The following BST1 variants were observed in gnomAD, a reference collection of about 807,000 sequenced individuals.
The protein encoded by BST1 is bone marrow stromal cell antigen 1.
BST1 carries 49 observed loss-of-function variants against 40.6 expected under a neutral mutation model. The observed-to-expected ratio is 1.21, with a 90% CI of 0.96 to 1.53. BST1 has a LOEUF of 1.53. BST1 is among the 40% of genes most tolerant of loss of function. BST1 has a pLI of 0.00. For synonymous variants in BST1, 157 were observed against 159.3 expected, an observed-to-expected ratio of 0.99 and a Z score of 0.11; for missense variants, 423 against 395.9, an observed-to-expected ratio of 1.07 and a Z score of -0.58.
chr4:15,722,843 A>G (rs778340504), intron 7 of BST1, 32 bp from the exon 8 acceptor site: 14 of 1,587,508 alleles, frequency 8.8e-6, no homozygotes, highest in Non-Finnish European at 9.5e-6. Flanking sequence ...AGTTATTTAA[A>G]TAATCCCTTA....
chr4:15,748,484 C>A, the BST1 span, among the ~76,000 whole-genome samples: 2 of 152,170 alleles, frequency 1.3e-5, no homozygotes, highest in African/African-American at 4.8e-5. Flanking sequence ...TGTGCCATTT[C>A]ATAGGCAAAG....
downstream of BST1, among the ~76,000 whole-genome samples, chr4:15,739,663 CT>C (rs1477608789): frequency 6.6e-6 from 1 of 151,338 alleles, no homozygotes; most frequent in Non-Finnish European, 1.5e-5. Context: ...CATGACTTTG[CT>C]ATAGGACATG....
intron 3 of BST1, among the ~76,000 whole-genome samples, chr4:15,709,153 T>C (rs1577570157): frequency 6.6e-6 from 1 of 151,970 alleles, no homozygotes; most frequent in South Asian, 2.1e-4. Flanking sequence ...ACAAAAAAGA[T>C]TGAGGGTGGA....
chr4:15,756,551 CAT>C, the BST1 span, among the ~76,000 whole-genome samples: 1 of 152,152 alleles, frequency 6.6e-6, no homozygotes, highest in Non-Finnish European at 1.5e-5. Context: ...TAGGTTAACA[CAT>C]GTTGAGAAAC....
chr4:15,771,377 C>T, the BST1 span, among the ~76,000 whole-genome samples: 1 of 152,168 alleles, frequency 6.6e-6, no homozygotes, highest in African/African-American at 2.4e-5. Context: ...ATCTTCTTCC[C>T]CCCAAATATA....
downstream of BST1, chr4:15,736,237 T>A: frequency 1.3e-6 from 1 of 755,530 alleles, no homozygotes; most frequent in Non-Finnish European, 1.9e-6. Flanking sequence ...AGCAATGTCC[T>A]ACGCTAGGGT....
At chr4:15,747,597 C>T in the BST1 span, among the ~76,000 whole-genome samples, 3 of 152,198 alleles carry the variant, frequency 2.0e-5, no homozygotes, top group Admixed American at 2.0e-4. Context: ...TATTCTATGT[C>T]ATTCTTTGGA....
At chr4:15,713,014 C>A (rs1720301740) in intron 4 of BST1, among the ~76,000 whole-genome samples, 1 of 152,126 alleles carries the variant, frequency 6.6e-6, no homozygotes, top group African/African-American at 2.4e-5. Context: ...TGCTACAAAC[C>A]ACCACCTTAT....
chr4:15,739,651 T>A (rs1205895109), downstream of BST1, among the ~76,000 whole-genome samples: 6 of 151,632 alleles, frequency 4.0e-5, no homozygotes. Context: ...CAGCTGCACC[T>A]TCATGACTTT....
At chr4:15,744,532 A>G in the BST1 span, among the ~76,000 whole-genome samples, 3 of 152,184 alleles carry the variant, frequency 2.0e-5, no homozygotes, top group Middle Eastern at 3.2e-3. Context: ...TCCTTGACAC[A>G]TGGGATTATG....
the BST1 span, among the ~76,000 whole-genome samples, chr4:15,756,926 G>A: frequency 6.6e-6 from 1 of 152,206 alleles, no homozygotes; most frequent in African/African-American, 2.4e-5. Context: ...CACTGCAGAC[G>A]CAGGAGTATC....
chr4:15,755,184 G>C, the BST1 span, among the ~76,000 whole-genome samples: 9 of 152,072 alleles, frequency 5.9e-5, no homozygotes, highest in Admixed American at 2.0e-4. Context: ...TGTCGCCCAG[G>C]CTGGAGTGCA....
the BST1 span, among the ~76,000 whole-genome samples, chr4:15,752,164 A>G: frequency 6.6e-6 from 1 of 152,170 alleles, no homozygotes; most frequent in African/African-American, 2.4e-5. Flanking sequence ...TATTCAGTAA[A>G]TGGGCAATTG....
intron 3 of BST1, among the ~76,000 whole-genome samples, chr4:15,710,721 T>C (rs553510297): frequency 6.6e-6 from 1 of 152,202 alleles, no homozygotes; most frequent in South Asian, 2.1e-4. Flanking sequence ...CTTGACATAA[T>C]GTCCTCCAGG....
intron 6 of BST1, among the ~76,000 whole-genome samples, chr4:15,718,577 G>A (rs1027016698): frequency 3.3e-5 from 5 of 152,042 alleles, no homozygotes; most frequent in African/African-American, 4.8e-5. Flanking sequence ...GCATTGTGTC[G>A]AGCCCCTGGA....
At chr4:15,757,198 G>A in the BST1 span, among the ~76,000 whole-genome samples, 1 of 152,032 alleles carries the variant, frequency 6.6e-6, no homozygotes, top group Non-Finnish European at 1.5e-5. Context: ...TGTAGCTCAG[G>A]CTGCTATATA....
At chr4:15,752,392 C>CT in the BST1 span, among the ~76,000 whole-genome samples, 167 of 143,188 alleles carry the variant, frequency 1.2e-3, no homozygotes, top group East Asian at 4.3e-3. Context: ...TCAAGCTATT[C>CT]TTTTTTTTTT....
rs1440417321 is a variant in BST1, at chr4:15,703,323, C to T, written c.179C>T (p.Pro60Leu). 1 of 1,511,188 alleles carries T rather than the reference C, an allele frequency of 6.6e-7. No homozygotes were observed. Among genetic ancestry groups the T allele is most frequent in the Non-Finnish European group, 8.8e-7 (1 of 1,137,784 alleles). 93.6% of individuals were successfully genotyped at this position (1,511,188 alleles called of 1,614,324 possible). A position where few individuals can be genotyped will look rare whatever the true frequency, so the allele number is the denominator to read the frequency against. The change falls in exon 1 of 9, where the codon CCC becomes CTC. Residue 60 changes from proline (P) to leucine (L), a missense_variant. By Grantham distance (98) the Pro-to-Leu change is moderately conservative. Transcript: ENST00000265016. ...GCCGAGTACCGCGCACTGCTGAGTC[C>T]CGAGCAGCGGTGAGGCAGTCGGCCG... ...RCAEYRALLS[P>L]EQRNKNCTAI...
At chr4:15,706,191 C>G (rs6821494) in intron 2 of BST1, among the ~76,000 whole-genome samples, 6,157 of 152,266 alleles carry the variant, frequency 0.04, 403 homozygotes, top group African/African-American at 0.14. Flanking sequence ...ATATCAGTTT[C>G]CAATAGTGAT....
Sources: gnomAD v4.1 joint callset for allele counts (sites outside exome capture counted in the v4.1 genomes callset) on GRCh38, gnomAD v4.1.1 for gene constraint, MANE v1.5 for transcripts, NCBI Gene and HGNC (gene_info 2026-07-23, HGNC 2026-07-21) for gene names.